Variants in PDGFRL observed in about 807,000 individuals in gnomAD.
The protein encoded by PDGFRL is platelet derived growth factor receptor like.
Under a neutral mutation model 37.2 loss-of-function variants are expected in PDGFRL, and 46 were observed. The ratio of observed to expected loss-of-function variants is 1.24; its 90% CI spans 0.98 to 1.58. The LOEUF is 1.58. PDGFRL is among the 40% of genes most tolerant of loss of function. PDGFRL has a pLI of 0.00. For missense variants in PDGFRL, 692 were observed against 467.6 expected, an observed-to-expected ratio of 1.48 and a Z score of -4.43; for synonymous variants, 251 against 184.3, an observed-to-expected ratio of 1.36 and a Z score of -2.93.
intron 2 of PDGFRL, among the ~76,000 whole-genome samples, chr8:17,594,696 A>G (rs1378291579): frequency 1.3e-5 from 2 of 152,202 alleles, no homozygotes; most frequent in Non-Finnish European, 2.9e-5. Flanking sequence ...CTGGGATTAC[A>G]GGCACGTGCC....
chr8:17,596,311 A>C (rs1237103807), intron 2 of PDGFRL: 15 of 1,220,102 alleles, frequency 1.2e-5, no homozygotes. Context: ...CAGGCTGCTC[A>C]CAGGCACATG....
chr8:17,623,421 C>T (rs1804670779), intron 3 of PDGFRL, among the ~76,000 whole-genome samples: 1 of 152,208 alleles, frequency 6.6e-6, no homozygotes, highest in Admixed American at 6.5e-5. Flanking sequence ...AAGCAACCAA[C>T]TAAGATGAAT....
At chr8:17,610,456 A>G (rs1181311961) in intron 2 of PDGFRL, among the ~76,000 whole-genome samples, 1 of 152,198 alleles carries the variant, frequency 6.6e-6, no homozygotes, top group African/African-American at 2.4e-5. Flanking sequence ...ATGCTTAACT[A>G]GTAAGTATGA....
intron 1 of PDGFRL, among the ~76,000 whole-genome samples, chr8:17,580,096 G>A (rs2517265): frequency 0.63 from 96,207 of 151,980 alleles, 30,875 homozygotes; most frequent in Middle Eastern, 0.77. Flanking sequence ...TTTGTGCAAC[G>A]AGTTCTGTTG....
intron 2 of PDGFRL, among the ~76,000 whole-genome samples, chr8:17,601,447 C>A (rs1804163573): frequency 7.0e-6 from 1 of 143,402 alleles, no homozygotes; most frequent in African/African-American, 2.7e-5. Context: ...ACTTATACCC[C>A]CGTTTTTGTT....
upstream of PDGFRL, chr8:17,576,614 C>G (rs1034275789): frequency 1.9e-6 from 1 of 533,698 alleles, no homozygotes; most frequent in Non-Finnish European, 2.4e-6. Context: ...ACCAGAGGCC[C>G]GGGTTGTCTG....
At chr8:17,638,508 T>G (rs1805018757) in intron 5 of PDGFRL, among the ~76,000 whole-genome samples, 1 of 151,858 alleles carries the variant, frequency 6.6e-6, no homozygotes, top group African/African-American at 2.4e-5. Context: ...ATGAATAGAA[T>G]GTATATTCTG....
chr8:17,608,519 G>T (rs908622132), intron 2 of PDGFRL, among the ~76,000 whole-genome samples: 8 of 152,212 alleles, frequency 5.3e-5, no homozygotes, highest in African/African-American at 1.9e-4. Flanking sequence ...GCAGAGGGAG[G>T]CACTGTCCCA....
chr8:17,595,440 C>T (rs971020262), intron 2 of PDGFRL, among the ~76,000 whole-genome samples: 9 of 152,186 alleles, frequency 5.9e-5, no homozygotes, highest in Admixed American at 5.2e-4. Flanking sequence ...TAGGTAGCCG[C>T]CCTATTTTGG....
chr8:17,584,507 G>A (rs1803774296), intron 1 of PDGFRL, among the ~76,000 whole-genome samples: 1 of 152,052 alleles, frequency 6.6e-6, no homozygotes, highest in Non-Finnish European at 1.5e-5. Flanking sequence ...GGAGTGATCA[G>A]GCAGGTCAGG....
At chr8:17,620,750 T>G (rs1172138109) in intron 2 of PDGFRL, among the ~76,000 whole-genome samples, 2 of 152,242 alleles carry the variant, frequency 1.3e-5, no homozygotes, top group Non-Finnish European at 2.9e-5. Flanking sequence ...TACCTCATTG[T>G]ATTACGCTGA....
upstream of PDGFRL, among the ~76,000 whole-genome samples, chr8:17,576,916 T>G (rs1803594404): frequency 6.6e-6 from 1 of 151,936 alleles, no homozygotes; most frequent in African/African-American, 2.4e-5. Context: ...CCGCTGATCC[T>G]TCTTGAACTT....
chr8:17,577,011 C>T (rs868845732), upstream of PDGFRL: 103 of 581,428 alleles, frequency 1.8e-4, no homozygotes, highest in Middle Eastern at 4.3e-3. Context: ...CCTTTCCTCC[C>T]CGCGCTGGGA....
chr8:17,611,149 C>T (rs1053013434), intron 2 of PDGFRL, among the ~76,000 whole-genome samples: 1 of 152,242 alleles, frequency 6.6e-6, no homozygotes, highest in Non-Finnish European at 1.5e-5. Flanking sequence ...CTGCCTCTAG[C>T]TGGCCTTGTA....
chr8:17,628,892 C>A, intron 4 of PDGFRL, 112 bp downstream of exon 4: 1 of 696,162 alleles, frequency 1.4e-6, no homozygotes, highest in East Asian at 2.7e-5. Context: ...CCTTTTGTTT[C>A]ATTGTTGTTG....
At chr8:17,601,122 G>C (rs6982650) in intron 2 of PDGFRL, among the ~76,000 whole-genome samples, 33,311 of 151,922 alleles carry the variant, frequency 0.22, 4,221 homozygotes, top group African/African-American at 0.33. Context: ...AACCACTTTC[G>C]TTATTCACTC....
chr8:17,599,784 C>G (rs1050827096), intron 2 of PDGFRL, among the ~76,000 whole-genome samples: 1 of 152,146 alleles, frequency 6.6e-6, no homozygotes, highest in Non-Finnish European at 1.5e-5. Context: ...GCTCTAATCA[C>G]CTTAAGTTTC....
intron 2 of PDGFRL, among the ~76,000 whole-genome samples, chr8:17,592,911 TAC>T (rs1803970826): frequency 2.0e-5 from 3 of 147,972 alleles, no homozygotes; most frequent in African/African-American, 7.9e-5. Flanking sequence ...TAAACCCACA[TAC>T]ATGCACACAC....
intron 4 of PDGFRL, among the ~76,000 whole-genome samples, chr8:17,629,578 C>G (rs1804820034): frequency 6.6e-6 from 1 of 152,180 alleles, no homozygotes; most frequent in Non-Finnish European, 1.5e-5. Context: ...TACCAGCATT[C>G]TCATTTCCTT....
Sources: allele counts gnomAD v4.1 joint callset (sites outside exome capture counted in the v4.1 genomes callset), GRCh38; gene constraint gnomAD v4.1.1; transcripts MANE v1.5; gene names NCBI Gene and HGNC (gene_info 2026-07-23, HGNC 2026-07-21).